Variants in UTRN observed in about 807,000 individuals in gnomAD.
The protein encoded by UTRN is utrophin.
A neutral mutation model predicts 463.9 loss-of-function variants in UTRN; 283 were observed. The ratio of observed to expected loss-of-function variants is 0.61; its 90% confidence interval spans 0.55 to 0.67. The LOEUF is 0.67. Among genes scored for constraint, UTRN ranks in the 30% least tolerant of loss-of-function variants. The probability of loss-of-function intolerance (pLI) is 0.00; values close to 1 mark genes in which losing one functional copy is unlikely to be tolerated. For synonymous variants in UTRN, 1,442 were observed against 1,431.5 expected, an observed-to-expected ratio of 1.01 and a Z score of -0.17; for missense variants, 3,922 against 4,084.3, an observed-to-expected ratio of 0.96 and a Z score of 1.08.
At chr6:144,388,508 A>ATTTG (rs761856270) in intron 2 of UTRN, among the ~76,000 whole-genome samples, 3 of 150,876 alleles carry the variant, frequency 2.0e-5, no homozygotes, top group Admixed American at 6.6e-5. Flanking sequence ...TTATTTATTT[A>ATTTG]TTTATTTATT....
chr6:144,432,005 T>C (rs1373188635), intron 9 of UTRN, among the ~76,000 whole-genome samples: 1 of 152,202 alleles, frequency 6.6e-6, no homozygotes, highest in Non-Finnish European at 1.5e-5. Flanking sequence ...AGTATTATAC[T>C]TTAAGTTTTA....
At position 144,516,358 on chromosome 6, in the gene UTRN, C is replaced by T; in HGVS notation, c.5374C>T (p.His1792Tyr). The stretch of plus-strand genomic sequence containing the variant: ...AAATATGTTAAAATTTGTGGAAAAA[C>T]ACTTGGAATCCAGTGATGAAGATGA... ...IENMLKFVEK[H>Y]LESSDEDEKM... is the part of the protein sequence containing the mutation. Residue 1792 changes from histidine (H) to tyrosine (Y), a missense_variant, in exon 38 of 75, where the codon CAC becomes TAC. This residue lies in a region of UTRN where 2,349 missense variants were observed against 2,303.8 expected (regional missense o/e 1.02). Transcript: ENST00000367545. 6.2e-7 allele frequency: 1 copy of T among 1,613,406 alleles called. No individual in the cohort carries two copies. The highest frequency in any genetic ancestry group is 2.2e-5 in the East Asian group (1 of 44,790).
intron 74 of UTRN, among the ~76,000 whole-genome samples, chr6:144,849,683 G>A (rs1782322511): frequency 6.6e-6 from 1 of 152,032 alleles, no homozygotes. Context: ...CACCTGGAGG[G>A]TTGGGCTAAT....
intron 52 of UTRN, among the ~76,000 whole-genome samples, chr6:144,685,896 A>G (rs1782707464): frequency 6.6e-6 from 1 of 152,050 alleles, no homozygotes; most frequent in Non-Finnish European, 1.5e-5. Flanking sequence ...TAGTTTAAGT[A>G]GGTGCCATTT....
intron 2 of UTRN, among the ~76,000 whole-genome samples, chr6:144,309,860 C>T (rs1806088136): frequency 1.3e-5 from 2 of 152,250 alleles, no homozygotes; most frequent in South Asian, 4.1e-4. Flanking sequence ...TCTCCCCTTA[C>T]TAGTTTGTGC....
In UTRN at chr6:144,522,023, G is replaced by A. The variant is rs61739887; in HGVS notation, c.5585G>A (p.Gly1862Glu). Residue 1862 changes from glycine (G) to glutamate (E), a missense_variant, in exon 40 of 75, where the codon GGA becomes GAA. By Grantham distance (98) the Gly-to-Glu change is moderately conservative. Transcript: ENST00000367545. ...QQRKMGQLAS[G>E]IRSSLLPTDY... is the part of the protein sequence containing the mutation. ...AGGAAAATGGGTCAACTTGCTTCTG[G>A]AATTAGATCATCACTTCTTCCTACA... 1.5e-4 allele frequency: 234 copies of A among 1,580,864 alleles called. 1 individual carries two copies. The African/African-American group carries it at 2.9e-3, about 20-fold the overall frequency.
At chr6:144,413,173 G>T (rs1379813195) in intron 3 of UTRN, among the ~76,000 whole-genome samples, 1 of 152,142 alleles carries the variant, frequency 6.6e-6, no homozygotes, top group Admixed American at 6.5e-5. Context: ...TGTCACATAA[G>T]GATGTTTTAC....
chr6:144,725,767 CAATT>C (rs1787809529), intron 53 of UTRN, among the ~76,000 whole-genome samples: 1 of 152,124 alleles, frequency 6.6e-6, no homozygotes, highest in Non-Finnish European at 1.5e-5. Context: ...TTCTGACATA[CAATT>C]AAATATAATT....
intron 39 of UTRN, among the ~76,000 whole-genome samples, chr6:144,517,262 A>G (rs900346387): frequency 1.3e-5 from 2 of 152,158 alleles, no homozygotes; most frequent in African/African-American, 2.4e-5. Context: ...CTATGTCAAA[A>G]AAAATTTCTA....
At chr6:144,698,775 G>A (rs1160585098) in intron 52 of UTRN, among the ~76,000 whole-genome samples, 1 of 152,206 alleles carries the variant, frequency 6.6e-6, no homozygotes, top group Non-Finnish European at 1.5e-5. Flanking sequence ...AAGGGCCTTT[G>A]CTCTTATTGG....
At chr6:144,683,941 A>C (rs1052495639) in intron 52 of UTRN, among the ~76,000 whole-genome samples, 7 of 152,110 alleles carry the variant, frequency 4.6e-5, no homozygotes, top group Non-Finnish European at 1.0e-4. Context: ...ATCTCCTTAG[A>C]AGTGAATGCA....
chr6:144,590,827 T>C (rs1802964930), intron 51 of UTRN, among the ~76,000 whole-genome samples: 1 of 140,690 alleles, frequency 7.1e-6, no homozygotes, highest in Admixed American at 7.8e-5. Flanking sequence ...AATTAGTCTC[T>C]CTCTCTCTCT....
At chr6:144,840,547 G>A (rs895408337) in intron 72 of UTRN, among the ~76,000 whole-genome samples, 193 bp from the exon 73 acceptor site, 1 of 152,162 alleles carries the variant, frequency 6.6e-6, no homozygotes, top group East Asian at 1.9e-4. Flanking sequence ...TGTCAATTAT[G>A]TAAAATTATA....
At chr6:144,771,998 C>CCTG in intron 59 of UTRN, 30 bp downstream of exon 59, 1 of 481,476 alleles carries the variant, frequency 2.1e-6, no homozygotes, top group East Asian at 4.6e-5. Context: ...ATAAATTAAC[C>CCTG]TAAACAACTG....
intron 3 of UTRN, among the ~76,000 whole-genome samples, chr6:144,418,525 T>C (rs1359670223): frequency 6.6e-6 from 1 of 151,406 alleles, no homozygotes; most frequent in Non-Finnish European, 1.5e-5. Context: ...GCCAGGCCTG[T>C]ATTTCTTTTA....
chr6:144,744,504 G>A (rs1338817747), intron 54 of UTRN, among the ~76,000 whole-genome samples: 1 of 146,842 alleles, frequency 6.8e-6, no homozygotes, highest in Non-Finnish European at 1.5e-5. Context: ...ATTTTCTTCT[G>A]AGTAGTTGAG....
At chr6:144,428,423 GT>G (rs11372852) in intron 7 of UTRN, among the ~76,000 whole-genome samples, 55 of 138,480 alleles carry the variant, frequency 4.0e-4, no homozygotes, top group Middle Eastern at 3.6e-3. Context: ...TTTTTCTGTG[GT>G]TTTTTTTTTT....
intron 2 of UTRN, among the ~76,000 whole-genome samples, chr6:144,374,763 TGAGCTACC>T (rs1780303974): frequency 6.6e-6 from 1 of 151,568 alleles, no homozygotes; most frequent in South Asian, 2.1e-4. Flanking sequence ...ATTACAGTTG[TGAGCTACC>T]GCGCCCAGCC....
chr6:144,525,669 T>A (rs1227802513), intron 41 of UTRN, among the ~76,000 whole-genome samples: 1 of 152,078 alleles, frequency 6.6e-6, no homozygotes, highest in Non-Finnish European at 1.5e-5. Flanking sequence ...GTTTATTTGT[T>A]TCATTTTCAT....
Sources: allele counts gnomAD v4.1 joint callset (sites outside exome capture counted in the v4.1 genomes callset), GRCh38; gene constraint gnomAD v4.1.1; regional missense constraint gnomAD v4.1.1; transcripts MANE v1.5; gene names NCBI Gene and HGNC (gene_info 2026-07-23, HGNC 2026-07-21).